Variants in NFIL3 observed in about 807,000 individuals in gnomAD.
NFIL3 encodes the protein nuclear factor interleukin-3-regulated protein.
NFIL3 carries 5 observed loss-of-function variants against 10.0 expected under a neutral mutation model. That is an observed-to-expected ratio of 0.50 (90% CI 0.26 to 1.06). The LOEUF is 1.06. Ranked by LOEUF, NFIL3 falls within the 50% of genes least tolerant of loss-of-function variation. The pLI, the probability that NFIL3 is intolerant of heterozygous loss-of-function variation, is 0.13. For synonymous variants in NFIL3, 202 were observed against 206.5 expected (o/e 0.98, Z 0.19); for missense variants, 436 against 547.6 (o/e 0.80, Z 2.03).
the NFIL3 span, among the ~76,000 whole-genome samples, chr9:91,472,509 T>C: frequency 2.6e-5 from 4 of 152,208 alleles, no homozygotes; most frequent in African/African-American, 9.6e-5. Context: ...CTACTGAAGC[T>C]TGTGCATGTG....
chr9:91,443,247 C>A, the NFIL3 span, among the ~76,000 whole-genome samples: 3 of 152,336 alleles, frequency 2.0e-5, no homozygotes, highest in South Asian at 2.1e-4. Flanking sequence ...CAGCCACGGG[C>A]AGGCCTGGAA....
chr9:91,432,663 G>GTT, the NFIL3 span, among the ~76,000 whole-genome samples: 77 of 151,124 alleles, frequency 5.1e-4, no homozygotes, highest in East Asian at 2.9e-3. Flanking sequence ...AGTTGTTTAG[G>GTT]TTTTTTTTTG....
the NFIL3 span, among the ~76,000 whole-genome samples, chr9:91,430,971 CAA>C: frequency 6.6e-6 from 1 of 152,162 alleles, no homozygotes; most frequent in African/African-American, 2.4e-5. Flanking sequence ...AATCATGCCT[CAA>C]AAGAGTACCA....
At chr9:91,442,440 A>T in the NFIL3 span, among the ~76,000 whole-genome samples, 1 of 152,046 alleles carries the variant, frequency 6.6e-6, no homozygotes, top group Admixed American at 6.5e-5. Context: ...CTGCCTGAGT[A>T]TTGCTTGTGT....
the NFIL3 span, among the ~76,000 whole-genome samples, chr9:91,440,478 A>G: frequency 5.3e-5 from 8 of 151,346 alleles, no homozygotes; most frequent in South Asian, 1.5e-3. Flanking sequence ...ATTTTTTTCT[A>G]TGGTTTTTCT....
At chr9:91,476,546 CT>C in the NFIL3 span, among the ~76,000 whole-genome samples, 1 of 151,574 alleles carries the variant, frequency 6.6e-6, no homozygotes, top group Admixed American at 6.6e-5. Flanking sequence ...GCACTCCAGC[CT>C]GGGTGACAGA....
At chr9:91,475,762 A>G in the NFIL3 span, among the ~76,000 whole-genome samples, 1 of 152,248 alleles carries the variant, frequency 6.6e-6, no homozygotes, top group Middle Eastern at 3.2e-3. Flanking sequence ...GATACGAGGA[A>G]GTTTTAAAAA....
At chr9:91,455,578 C>T in the NFIL3 span, among the ~76,000 whole-genome samples, 102 of 152,154 alleles carry the variant, frequency 6.7e-4, 2 homozygotes, top group East Asian at 0.015. Context: ...CCTTCATCTA[C>T]CCAGGGCTGT....
chr9:91,427,959 A>G (rs10820853), upstream of NFIL3, among the ~76,000 whole-genome samples: 25,225 of 151,974 alleles, frequency 0.17, 2,762 homozygotes, highest in African/African-American at 0.3. Flanking sequence ...TTTGTTTTCA[A>G]GTGGAGGCTT....
At chr9:91,442,342 G>A in the NFIL3 span, among the ~76,000 whole-genome samples, 4 of 152,110 alleles carry the variant, frequency 2.6e-5, no homozygotes, top group African/African-American at 4.8e-5. Flanking sequence ...TACATGGCAC[G>A]ATGCTTTTCT....
At chr9:91,413,537 CA>C (rs764538272) in intron 1 of NFIL3, among the ~76,000 whole-genome samples, 1 of 152,204 alleles carries the variant, frequency 6.6e-6, no homozygotes, top group Non-Finnish European at 1.5e-5. Flanking sequence ...AGGCATGAGC[CA>C]CCACGCCCGG....
At position 91,410,010 on chromosome 9, in the gene NFIL3, G is replaced by T. The variant is rs1428971129; in HGVS notation, c.725C>A (p.Ser242Tyr). Residue 242 changes from serine (S) to tyrosine (Y), a missense_variant, in exon 2 of 2, where the codon TCC becomes TAC. Physicochemically the swap from Ser to Tyr is moderately radical, Grantham distance 144. Transcript: ENST00000297689. This position sits in a 1 kb window ranked among gnomAD's most constrained non-coding sequence, Gnocchi z 5.7. ...PRDDRGSYTA[S>Y]IYQNYMGNSF... ...ATTCCCCATATAGTTTTGATAGATG[G>T]ACGCTGTGTAAGAGCCTCGGTCATC... 2.5e-6 allele frequency: 4 copies of T among 1,612,796 alleles called. No homozygotes were observed. Among genetic ancestry groups the T allele is most frequent in the Non-Finnish European group, 1.7e-6 (2 of 1,180,006 alleles).
the NFIL3 span, among the ~76,000 whole-genome samples, chr9:91,466,996 A>C: frequency 1.3e-5 from 2 of 152,184 alleles, no homozygotes; most frequent in East Asian, 3.8e-4. Flanking sequence ...TGATTCCCCC[A>C]ATGAAGAGGG....
chr9:91,431,579 T>C, the NFIL3 span, among the ~76,000 whole-genome samples: 1 of 152,258 alleles, frequency 6.6e-6, no homozygotes, highest in East Asian at 1.9e-4. Context: ...ACAAAGGGTG[T>C]GTATTCATCC....
chr9:91,429,214 A>G, the NFIL3 span, among the ~76,000 whole-genome samples: 2,423 of 152,316 alleles, frequency 0.016, 17 homozygotes, highest in Non-Finnish European at 0.023. Context: ...AAAGAGCTAC[A>G]CAGCTGCAAC....
chr9:91,418,442 G>A (rs1833699474), intron 1 of NFIL3, among the ~76,000 whole-genome samples: 1 of 152,194 alleles, frequency 6.6e-6, no homozygotes, highest in African/African-American at 2.4e-5. Context: ...AAAATGGTGG[G>A]CTAAGGGGAC....
chr9:91,476,999 C>T, the NFIL3 span, among the ~76,000 whole-genome samples: 72 of 152,266 alleles, frequency 4.7e-4, no homozygotes, highest in African/African-American at 1.7e-3. Flanking sequence ...TCTGACTTTT[C>T]TGTTTGTTTT....
chr9:91,467,467 G>T, the NFIL3 span, among the ~76,000 whole-genome samples: 3 of 152,092 alleles, frequency 2.0e-5, no homozygotes, highest in African/African-American at 4.8e-5. Context: ...TATTAACCAT[G>T]TATACTGCAG....
chr9:91,448,911 G>A, the NFIL3 span, among the ~76,000 whole-genome samples: 17,379 of 152,008 alleles, frequency 0.11, 2,143 homozygotes, highest in African/African-American at 0.31. Context: ...TTTCAGCAAC[G>A]TTTTATAATT....
Sources: gnomAD v4.1 joint callset for allele counts (sites outside exome capture counted in the v4.1 genomes callset) on GRCh38, gnomAD v4.1.1 for gene constraint, Gnocchi (gnomAD v3.1) non-coding constraint, MANE v1.5 for transcripts, NCBI Gene and HGNC (gene_info 2026-07-23, HGNC 2026-07-21) for gene names.